The following CP variants were observed in gnomAD, a reference collection of about 807,000 sequenced individuals.
The protein encoded by CP is caeruloplasmin.
A neutral mutation model predicts 122.4 loss-of-function variants in CP; 64 were observed. The observed-to-expected ratio is 0.52, with a 90% confidence interval of 0.43 to 0.64. The LOEUF (loss-of-function observed/expected upper bound fraction) is 0.64. CP is among the 30% of genes least tolerant of loss of function. CP has a pLI of 0.00. For missense variants in CP, 1,167 were observed against 1,284.4 expected (o/e 0.91, Z 1.40); for synonymous variants, 440 against 436.4 (o/e 1.01, Z -0.10).
At position 149,192,599 on chromosome 3, in the gene CP, A is replaced by T. The variant is rs1165165172; in HGVS notation, c.1714-4397T>A. 2.6e-5 allele frequency among the ~76,000 whole-genome samples: 4 copies of T among 152,108 alleles called. No homozygotes were observed. In the East Asian group the frequency reaches 7.7e-4, roughly 29 times the overall value. On this transcript the variant is annotated intron_variant, in intron 9 of 18. Coordinates refer to ENST00000264613, the MANE Select transcript of CP (RefSeq NM_000096.4). Reference sequence around the variant, plus strand: ...AACACTCAACTGTAAGCAATAATGGAATATGAAAAAACACACACAAAAAAG... The same window carrying T: ...AACACTCAACTGTAAGCAATAATGGTATATGAAAAAACACACACAAAAAAG...
In CP at chr3:149,186,639, G is replaced by A. The variant is rs1726192422; in HGVS notation, c.1958C>T (p.Ala653Val). 6.2e-7 allele frequency: 1 copy of A among 1,614,060 alleles called. No individual in the cohort carries two copies. Among genetic ancestry groups the A allele is most frequent in the Non-Finnish European group, 8.5e-7 (1 of 1,180,000 alleles). The change falls in exon 11 of 19, where the codon GCC becomes GTC. Residue 653 changes from alanine to valine, a missense_variant. By Grantham distance (64) the Ala-to-Val change is moderately conservative (BLOSUM62 0). Around this residue, in one of 2 missense-constraint regions of CP, gnomAD observed 525 missense variants for 657.2 expected, o/e 0.80. Transcript: ENST00000264613. ...TGAAAAGTATATTCCATGTACATCG[G>A]CCTCATTTCCGGCGCTGAATAAGTA... is the stretch of plus-strand genomic sequence containing the variant. ...VWYLFSAGNE[A>V]DVHGIYFSGN...
At chr3:149,202,616 T>C (rs1727416815) in intron 6 of CP, among the ~76,000 whole-genome samples, 2 of 146,448 alleles carry the variant, frequency 1.4e-5, no homozygotes, top group South Asian at 4.4e-4. Flanking sequence ...TTTTTTTTTT[T>C]TTTTTTTTTT....
chr3:149,204,635 A>T (rs1359564643), intron 6 of CP, among the ~76,000 whole-genome samples: 1 of 152,172 alleles, frequency 6.6e-6, no homozygotes, highest in Non-Finnish European at 1.5e-5. Flanking sequence ...CTATCCATTT[A>T]TTGTGTGATG....
At chr3:149,213,099 A>T (rs996134100) in intron 1 of CP, among the ~76,000 whole-genome samples, 1 of 152,230 alleles carries the variant, frequency 6.6e-6, no homozygotes, top group African/African-American at 2.4e-5. Flanking sequence ...TACTGGAAAA[A>T]TTTGAGTTTA....
intron 17 of CP, among the ~76,000 whole-genome samples, chr3:149,177,513 CTTA>C (rs1048911464): frequency 2.6e-5 from 4 of 152,176 alleles, no homozygotes; most frequent in African/African-American, 9.7e-5. Flanking sequence ...TTCCATTTAA[CTTA>C]TGCACATCCT....
chr3:149,214,916 C>T (rs1470349028), intron 1 of CP, among the ~76,000 whole-genome samples: 4 of 152,224 alleles, frequency 2.6e-5, no homozygotes, highest in Non-Finnish European at 5.9e-5. Flanking sequence ...AGGTACACAA[C>T]TGCAGCTGCA....
intron 18 of CP, among the ~76,000 whole-genome samples, chr3:149,175,473 T>A (rs1408098725): frequency 1.3e-5 from 2 of 152,134 alleles, no homozygotes; most frequent in Non-Finnish European, 2.9e-5. Flanking sequence ...ATTTTCTTCA[T>A]TTGTATGTTC....
At chr3:149,170,028 C>T (rs76876937), downstream of CP, among the ~76,000 whole-genome samples, 1 of 152,050 alleles carries the variant, frequency 6.6e-6, no homozygotes, top group Non-Finnish European at 1.5e-5. Context: ...TTTTCCCAAC[C>T]CTAAATCAGG....
intron 5 of CP, among the ~76,000 whole-genome samples, chr3:149,165,223 A>G (rs1214693342): frequency 1.3e-5 from 2 of 152,150 alleles, no homozygotes; most frequent in Non-Finnish European, 2.9e-5. Context: ...AGACAGATGG[A>G]GCTTTGCCTT....
chr3:149,187,743 CG>C (rs1559942168), intron 10 of CP, among the ~76,000 whole-genome samples: 1 of 152,168 alleles, frequency 6.6e-6, no homozygotes, highest in African/African-American at 2.4e-5. Flanking sequence ...TCCAAAGTTT[CG>C]GACTTTGTAG....
chr3:149,184,025 C>CTTTTTTTTT (rs1559939313), intron 12 of CP, among the ~76,000 whole-genome samples: 11 of 66,336 alleles, frequency 1.7e-4, no homozygotes, highest in Non-Finnish European at 3.0e-4. Flanking sequence ...TTTTCACTTA[C>CTTTTTTTTT]TTCTTTTTTT....
intron 9 of CP, among the ~76,000 whole-genome samples, chr3:149,194,570 C>T (rs1726769536): frequency 6.6e-6 from 1 of 151,326 alleles, no homozygotes; most frequent in Non-Finnish European, 1.5e-5. Context: ...ATGGTATTAC[C>T]ATTTACAAAG....
intron 11 of CP, chr3:149,185,952 T>G (rs1726141795): frequency 5.7e-6 from 1 of 174,384 alleles, no homozygotes; most frequent in African/African-American, 2.4e-5. Flanking sequence ...GGGGTGGTCT[T>G]AAGTTTCAGT....
exon 6 of CP, chr3:149,162,694 T>C: frequency 3.7e-6 from 6 of 1,614,018 alleles, no homozygotes; most frequent in Non-Finnish European, 5.1e-6. Flanking sequence ...TTTAAGGTGC[T>C]TTGTGCTAAG....
intron 6 of CP, among the ~76,000 whole-genome samples, chr3:149,205,778 G>A (rs933100858): frequency 2.6e-5 from 4 of 152,046 alleles, no homozygotes; most frequent in Non-Finnish European, 5.9e-5. Flanking sequence ...AGGGTTCAGA[G>A]TTTTCATTTG....
downstream of CP, chr3:149,168,040 T>C: frequency 2.0e-6 from 2 of 1,002,008 alleles, no homozygotes; most frequent in Non-Finnish European, 3.2e-6. Flanking sequence ...TTAAATTTGG[T>C]GAAGCCTTCT....
rs528076694 is a variant in CP at position 149,201,966 on chromosome 3, T to C, written c.1348+136A>G. 40 of 1,142,938 alleles carry C rather than the reference T, an allele frequency of 3.5e-5. No individual in the cohort carries two copies. The South Asian group carries it at 5.0e-4, about 14-fold the overall frequency. 70.8% of individuals were successfully genotyped at this position (1,142,938 alleles called of 1,614,324 possible). ...TTTGGAAAAGTACTTAGCTGCTGCA[T>C]TTTATTGTTTTATCTTCCACACGCC... On this transcript the variant is annotated intron_variant, in intron 7 of 18. Transcript: ENST00000264613.
chr3:149,201,107 G>GGATTGATT (rs10631065), intron 7 of CP, among the ~76,000 whole-genome samples: 100 of 151,604 alleles, frequency 6.6e-4, no homozygotes, highest in East Asian at 2.1e-3. Flanking sequence ...TAGTAGCCTG[G>GGATTGATT]GATTGATTGA....
At chr3:149,208,661 C>T (rs994258270) in intron 4 of CP, among the ~76,000 whole-genome samples, 1 of 151,976 alleles carries the variant, frequency 6.6e-6, no homozygotes, top group Admixed American at 6.6e-5. Flanking sequence ...TCTTACTAAG[C>T]TCATTATTTT....
Sources: allele counts gnomAD v4.1 joint callset (sites outside exome capture counted in the v4.1 genomes callset), GRCh38; gene constraint gnomAD v4.1.1; regional missense constraint gnomAD v4.1.1; transcripts MANE v1.5; gene names NCBI Gene and HGNC (gene_info 2026-07-23, HGNC 2026-07-21).